The following ADARB2 variants were observed in gnomAD, a reference collection of about 807,000 sequenced individuals.
ADARB2 encodes the protein adenosine deaminase RNA specific B2 (inactive), also known as inactive double-stranded RNA-specific editase B2.
In ADARB2, 25 loss-of-function variants were observed where a neutral mutation model predicts 62.2. That is an observed-to-expected ratio of 0.40 (90% CI 0.29 to 0.56). ADARB2 has a LOEUF of 0.56. Ranked by LOEUF, ADARB2 falls within the 20% of genes least tolerant of loss-of-function variation. ADARB2 has a pLI of 0.43. For synonymous variants in ADARB2, 572 were observed against 500.8 expected (o/e 1.14, Z -1.90); for missense variants, 1,071 against 1,077.4 (o/e 0.99, Z 0.08).
chr10:1,607,912 A>C (rs943355579), intron 1 of ADARB2, among the ~76,000 whole-genome samples: 1 of 152,168 alleles, frequency 6.6e-6, no homozygotes, highest in South Asian at 2.1e-4. Context: ...GTTGTTTTTA[A>C]CATGGCTCCC....
At chr10:1,344,731 G>A (rs946101148) in intron 3 of ADARB2, among the ~76,000 whole-genome samples, 4 of 152,156 alleles carry the variant, frequency 2.6e-5, no homozygotes, top group Admixed American at 6.5e-5. Flanking sequence ...CTTCTGGGAC[G>A]GGCACGGCGA....
In ADARB2 at chr10:1,363,846, C is replaced by T. The variant is rs554622151; in HGVS notation, c.259G>A (p.Asp87Asn). ...CCGGGCGCGCCGCCCCGGGCCCGGTCCCCGGAGGGCGGTGGCCGCGCGGCC... is the reference window on the plus strand; with the variant it reads ...CCGGGCGCGCCGCCCCGGGCCCGGTTCCCGGAGGGCGGTGGCCGCGCGGCC... Reference protein sequence around the residue: ...NLAARPPPSGDRARGGAPGAK... With the variant: ...NLAARPPPSGNRARGGAPGAK... Residue 87 changes from aspartate to asparagine, a missense_variant, in exon 3 of 10, where the codon GAC becomes AAC. By Grantham distance (23) the Asp-to-Asn change is conservative (BLOSUM62 1). Coordinates refer to ENST00000381312, the MANE Select transcript of ADARB2 (RefSeq NM_018702.4). The T allele has an allele frequency of 3.9e-6, 6 of 1,540,808 alleles. No homozygotes were observed. The South Asian group carries it at 5.9e-5, about 15-fold the overall frequency.
chr10:1,363,857 G>T lies in ADARB2; in HGVS notation c.248C>A (p.Pro83Gln). Reference sequence around the variant, plus strand: ...GCCCCGGGCCCGGTCCCCGGAGGGCGGTGGCCGCGCGGCCAGGTTGCCCAC... The same window carrying T: ...GCCCCGGGCCCGGTCCCCGGAGGGCTGTGGCCGCGCGGCCAGGTTGCCCAC... Reference protein sequence around the residue: ...RNVGNLAARPPPSGDRARGGA... With the variant: ...RNVGNLAARPQPSGDRARGGA... Residue 83 changes from proline (P) to glutamine (Q), a missense_variant, in exon 3 of 10, where the codon CCG (proline) becomes CAG (glutamine). Transcript: ENST00000381312. 1 of 1,517,018 alleles carries T rather than the reference G, an allele frequency of 6.6e-7. No individual in the cohort carries two copies. Among genetic ancestry groups the T allele is most frequent in the Admixed American group, 2.2e-5 (1 of 45,336 alleles). The allele number at this position is 1,517,018 out of a possible 1,614,324, so 94.0% of individuals were successfully genotyped here.
chr10:1,340,148 CA>C, intron 3 of ADARB2, among the ~76,000 whole-genome samples: 1 of 148,626 alleles, frequency 6.7e-6, no homozygotes, highest in African/African-American at 2.5e-5. Flanking sequence ...TGGCAATAAC[CA>C]GCATCCACCA....
At chr10:1,609,578 T>C (rs1200911594) in intron 1 of ADARB2, among the ~76,000 whole-genome samples, 1 of 152,240 alleles carries the variant, frequency 6.6e-6, no homozygotes, top group Non-Finnish European at 1.5e-5. Context: ...AGCTGACTGG[T>C]TGCACAGAGG....
At chr10:1,296,368 T>C (rs1831523122) in intron 3 of ADARB2, among the ~76,000 whole-genome samples, 1 of 152,244 alleles carries the variant, frequency 6.6e-6, no homozygotes, top group Non-Finnish European at 1.5e-5. Context: ...CATTCCCCAC[T>C]GCTGGTCTCT....
chr10:1,515,927 C>T (rs1332094982), intron 1 of ADARB2, among the ~76,000 whole-genome samples: 1 of 152,234 alleles, frequency 6.6e-6, no homozygotes, highest in Admixed American at 6.5e-5. Flanking sequence ...CAAATTCTTG[C>T]TGTCTCCTCA....
intron 1 of ADARB2, among the ~76,000 whole-genome samples, chr10:1,497,634 A>G (rs1020575842): frequency 2.0e-5 from 3 of 152,256 alleles, no homozygotes; most frequent in East Asian, 3.8e-4. Context: ...AGCATCAGTT[A>G]TGCTTTTTAT....
At chr10:1,461,173 C>G (rs1205006535) in intron 1 of ADARB2, among the ~76,000 whole-genome samples, 1 of 152,176 alleles carries the variant, frequency 6.6e-6, no homozygotes, top group Middle Eastern at 3.2e-3. Flanking sequence ...ACACTTCGAA[C>G]CTCCAGAAGA....
intron 1 of ADARB2, among the ~76,000 whole-genome samples, chr10:1,446,533 C>G (rs1242284775): frequency 1.3e-5 from 2 of 152,156 alleles, no homozygotes; most frequent in African/African-American, 2.4e-5. Flanking sequence ...GAGGTCAGGG[C>G]TTAGGCGGGG....
chr10:1,528,157 G>T (rs927920760), intron 1 of ADARB2, among the ~76,000 whole-genome samples: 1 of 152,206 alleles, frequency 6.6e-6, no homozygotes, highest in African/African-American at 2.4e-5. Flanking sequence ...CTCGCCAATG[G>T]CTGTGTCTTC....
At chr10:1,387,288 G>GA (rs1221270873) in intron 1 of ADARB2, among the ~76,000 whole-genome samples, 1 of 151,368 alleles carries the variant, frequency 6.6e-6, no homozygotes, top group African/African-American at 2.4e-5. Context: ...ATAGGAAGTG[G>GA]AAAAAAATAG....
chr10:1,235,487 TTTACTCCCCTCTCCCTCCC>T (rs1564230589), intron 5 of ADARB2, among the ~76,000 whole-genome samples: 1 of 11,962 alleles, frequency 8.4e-5, no homozygotes, highest in East Asian at 1.5e-3. Context: ...TCTCCCGGTG[TTTACTCCCCTCTCCCTCCC>T]GGTGTTTACT....
At chr10:1,269,739 G>T (rs1476386577) in intron 4 of ADARB2, among the ~76,000 whole-genome samples, 1 of 152,164 alleles carries the variant, frequency 6.6e-6, no homozygotes, top group African/African-American at 2.4e-5. Context: ...TCACAGCCCC[G>T]TGGGCCTACA....
chr10:1,668,463 C>T (rs565267546), intron 1 of ADARB2, among the ~76,000 whole-genome samples: 1 of 152,288 alleles, frequency 6.6e-6, no homozygotes, highest in Non-Finnish European at 1.5e-5. Context: ...TTTAGTTAAG[C>T]ATCTACAAAG....
chr10:1,562,868 G>A (rs886865758), intron 1 of ADARB2, among the ~76,000 whole-genome samples: 3 of 152,240 alleles, frequency 2.0e-5, no homozygotes, highest in Admixed American at 6.5e-5. Flanking sequence ...GTCCCTCATG[G>A]CAGAGACTCA....
At chr10:1,556,059 T>C (rs1832695680) in intron 1 of ADARB2, among the ~76,000 whole-genome samples, 1 of 152,228 alleles carries the variant, frequency 6.6e-6, no homozygotes, top group Non-Finnish European at 1.5e-5. Context: ...TTCTGAATTA[T>C]CAGCTCTTAG....
chr10:1,293,863 G>C (rs1423076237), intron 3 of ADARB2, among the ~76,000 whole-genome samples: 1 of 152,086 alleles, frequency 6.6e-6, no homozygotes, highest in Non-Finnish European at 1.5e-5. Flanking sequence ...AGATGGCTTT[G>C]CAGCCTGTAA....
intron 4 of ADARB2, among the ~76,000 whole-genome samples, chr10:1,254,761 C>A (rs1314749157): frequency 6.6e-6 from 1 of 152,216 alleles, no homozygotes; most frequent in Non-Finnish European, 1.5e-5. Flanking sequence ...GAAAGAGAAA[C>A]CATTGAATCA....
Sources: gnomAD v4.1 joint callset for allele counts (sites outside exome capture counted in the v4.1 genomes callset) on GRCh38, gnomAD v4.1.1 for gene constraint, MANE v1.5 for transcripts, NCBI Gene and HGNC (gene_info 2026-07-23, HGNC 2026-07-21) for gene names.